The following ENPP5 variants were observed in gnomAD, a reference collection of about 807,000 sequenced individuals.
ENPP5 encodes E-NPP 5.
A neutral mutation model predicts 33.7 loss-of-function variants in ENPP5; 27 were observed. The ratio of observed to expected loss-of-function variants is 0.80; its 90% CI spans 0.59 to 1.11. The LOEUF is 1.11. Among genes scored for constraint, ENPP5 ranks in the 50% least tolerant of loss-of-function variants. The pLI, the probability that ENPP5 is intolerant of heterozygous loss-of-function variation, is 0.00. For missense variants in ENPP5, 552 were observed against 579.2 expected (o/e 0.95, Z 0.48); for synonymous variants, 199 against 200.5 (o/e 0.99, Z 0.06).
intron 1 of ENPP5, among the ~76,000 whole-genome samples, chr6:46,170,386 CAG>C (rs981434666): frequency 3.4e-5 from 5 of 147,756 alleles, no homozygotes; most frequent in Non-Finnish European, 7.5e-5. Context: ...TGAAAACAAT[CAG>C]AATTTTTTTT....
rs754523882 is a variant in ENPP5, at chr6:46,161,737, G to A, written c.1023C>T (p.Tyr341=). Reference sequence around the variant, plus strand: ...GATGCATATCTGCTAACGCATTATCGTAACCGTGGTTGCCTACTGTAAAGA... The same window carrying A: ...GATGCATATCTGCTAACGCATTATCATAACCGTGGTTGCCTACTGTAAAGA... ...SDDFLLGNHG[Y]DNALADMHPI... Residue 341 remains tyrosine (Y), a synonymous_variant, in exon 5 of 5, where the codon TAC becomes TAT. Coordinates refer to ENST00000371383, the MANE Select transcript of ENPP5 (RefSeq NM_001290072.2). 9.3e-6 allele frequency: 15 copies of A among 1,609,180 alleles called. No individual in the cohort carries two copies. Among genetic ancestry groups the A allele is most frequent in the South Asian group, 2.2e-5 (2 of 91,054 alleles).
At chr6:46,161,865 A>G in intron 4 of ENPP5, 112 bp from the exon 5 acceptor site, 1 of 753,132 alleles carries the variant, frequency 1.3e-6, no homozygotes, top group South Asian at 1.7e-5. Flanking sequence ...TTTGACTGTA[A>G]ACATAAAACA....
At chr6:46,166,474 A>G (rs2127498481) in intron 3 of ENPP5, among the ~76,000 whole-genome samples, 1 of 143,138 alleles carries the variant, frequency 7.0e-6, no homozygotes, top group East Asian at 2.0e-4. Flanking sequence ...TTTTAGCAAC[A>G]GAGTCTTGCT....
chr6:46,167,878 T>C lies in ENPP5; in HGVS notation c.385A>G (p.Arg129Gly), dbSNP rs1390722966. ...GCTGCACCACTAGTATGTCCTGCCC[T>C]CTGGTTTGTGATCCATATTGGTGTC... ...EATPIWITNQ[R>G]AGHTSGAAMW... The change falls in exon 3 of 5, where the codon AGG becomes GGG. Residue 129 changes from arginine (R) to glycine (G), a missense_variant. By Grantham distance (125) the Arg-to-Gly change is moderately radical. Coordinates refer to ENST00000371383, the MANE Select transcript of ENPP5 (RefSeq NM_001290072.2). 1 of 1,614,116 alleles carries C rather than the reference T, an allele frequency of 6.2e-7. No individual in the cohort carries two copies. The highest frequency in any genetic ancestry group is 8.5e-7 in the Non-Finnish European group (1 of 1,180,050).
Position 46,159,798 on chromosome 6 carries a change from T to C in ENPP5, c.*1528A>G, listed in dbSNP as rs974520385. On this transcript the variant is annotated 3_prime_UTR_variant, in exon 5 of 5. Transcript: ENST00000371383. ...ACAATTTTACCTACTCATTAGCCAATTGGTACATATATATACATGAAATCA... is the reference window on the plus strand; with the variant it reads ...ACAATTTTACCTACTCATTAGCCAACTGGTACATATATATACATGAAATCA... 6.6e-6 allele frequency: 1 copy of C among 152,218 alleles called. No individual in the cohort carries two copies. Among genetic ancestry groups the C allele is most frequent in the Non-Finnish European group, 1.5e-5 (1 of 68,036 alleles). The allele number at this position is 152,218 out of a possible 1,614,324, so 9.4% of individuals were successfully genotyped here.
rs1365658764 is a variant in ENPP5, at chr6:46,161,162, C to CGT, written c.*162_*163dup. On this transcript the variant is annotated 3_prime_UTR_variant, in exon 5 of 5. Coordinates refer to ENST00000371383, the MANE Select transcript of ENPP5 (RefSeq NM_001290072.2). ...CTTTGCAGGTGTAAGTATTTTGGTC[C>CGT]GTGTGTGTGTATGTGTGTGTGTGTG... 2.0e-5 allele frequency: 12 copies of CGT among 587,422 alleles called. No individual in the cohort carries two copies. The highest frequency in any genetic ancestry group is 4.6e-4 in the Middle Eastern group (1 of 2,192). 36.4% of individuals were successfully genotyped at this position (587,422 alleles called of 1,614,324 possible). A position where few individuals can be genotyped will look rare whatever the true frequency, so the allele number is the denominator to read the frequency against.
rs754391017 is a variant in ENPP5 at position 46,161,601 on chromosome 6, G to C, written c.1159C>G (p.Pro387Ala). ...LCHLLNITAMPHNGSFWNVQD... is the reference protein window; with the variant it reads ...LCHLLNITAMAHNGSFWNVQD... The stretch of plus-strand genomic sequence containing the variant: ...ACATTCCAGAATGATCCATTGTGTG[G>C]CATGGCGGTGATATTGAGGAGGTGG... The change falls in exon 5 of 5, where the codon CCA becomes GCA. Residue 387 changes from proline to alanine, a missense_variant. Physicochemically the swap from Pro to Ala is conservative, Grantham distance 27. Coordinates refer to ENST00000371383, the MANE Select transcript of ENPP5 (RefSeq NM_001290072.2). 3.1e-6 allele frequency: 5 copies of C among 1,614,036 alleles called. No individual in the cohort carries two copies. In the Admixed American group the frequency reaches 8.3e-5, roughly 27 times the overall value.
intron 4 of ENPP5, among the ~76,000 whole-genome samples, chr6:46,164,526 A>C (rs1299135384): frequency 6.6e-6 from 1 of 152,190 alleles, no homozygotes; most frequent in Non-Finnish European, 1.5e-5. Context: ...TCAAAAATAG[A>C]GGTGACCAAT....
rs1017999968 is a variant in ENPP5, at chr6:46,168,232, T to G, written c.31A>C (p.Ile11Leu). ...GTTGAAAGACTCAGTGCAGCAAGTA[T>G]GAAGGACACCAAGAGAAATTTCGAA... is the stretch of plus-strand genomic sequence containing the variant. MTSKFLLVSF[I>L]LAALSLSTTF... The change falls in exon 3 of 5, where the codon ATA becomes CTA. Residue 11 changes from isoleucine (I) to leucine (L), a missense_variant. Coordinates refer to ENST00000371383, the MANE Select transcript of ENPP5 (RefSeq NM_001290072.2). 1.3e-6 allele frequency: 2 copies of G among 1,597,816 alleles called. No homozygotes were observed. The highest frequency in any genetic ancestry group is 1.7e-6 in the Non-Finnish European group (2 of 1,170,312).
intron 4 of ENPP5, among the ~76,000 whole-genome samples, chr6:46,162,313 A>G (rs1764417271): frequency 6.6e-6 from 1 of 152,248 alleles, no homozygotes; most frequent in African/African-American, 2.4e-5. Flanking sequence ...GGAGAGTAGG[A>G]AACTCCTGAT....
At chr6:46,168,583 A>T (rs1372605322) in intron 2 of ENPP5, among the ~76,000 whole-genome samples, 1 of 152,238 alleles carries the variant, frequency 6.6e-6, no homozygotes, top group East Asian at 1.9e-4. Context: ...AAAATATGAC[A>T]TCATTTACAT....
At chr6:46,169,805 A>ATATG (rs1246996625) in intron 2 of ENPP5, among the ~76,000 whole-genome samples, 1 of 152,226 alleles carries the variant, frequency 6.6e-6, no homozygotes, top group Admixed American at 6.5e-5. Flanking sequence ...AATACAAGGT[A>ATATG]TATGTACATT....
chr6:46,164,508 G>T (rs1227524669), intron 4 of ENPP5, among the ~76,000 whole-genome samples: 1 of 152,034 alleles, frequency 6.6e-6, no homozygotes, highest in Non-Finnish European at 1.5e-5. Context: ...TATTATTAAG[G>T]TTTTCTATCA....
intron 3 of ENPP5, among the ~76,000 whole-genome samples, chr6:46,166,060 T>A (rs1764535162): frequency 6.6e-6 from 1 of 152,156 alleles, no homozygotes; most frequent in South Asian, 2.1e-4. Context: ...AGGCACTGTC[T>A]TTCATCCTCC....
chr6:46,167,057 A>T (rs995427834), intron 3 of ENPP5, among the ~76,000 whole-genome samples: 2 of 152,204 alleles, frequency 1.3e-5, no homozygotes, highest in Non-Finnish European at 2.9e-5. Context: ...CCAAATTAGG[A>T]ACCTATAAAA....
chr6:46,162,253 C>A (rs1490869056), intron 4 of ENPP5, among the ~76,000 whole-genome samples: 1 of 152,052 alleles, frequency 6.6e-6, no homozygotes, highest in African/African-American at 2.4e-5. Context: ...AAAAATCAAA[C>A]CTGTACTTAC....
At position 46,161,094 on chromosome 6, in the gene ENPP5, A is replaced by G. The variant is rs1287327047; in HGVS notation, c.*232T>C. The stretch of plus-strand genomic sequence containing the variant: ...ATAAAGCAGGATCTTATCTATCCCT[A>G]TGCTACAGTGAACAATGGAGACATA... On this transcript the variant is annotated 3_prime_UTR_variant, in exon 5 of 5. Coordinates refer to ENST00000371383, the MANE Select transcript of ENPP5 (RefSeq NM_001290072.2). 5.5e-5 allele frequency: 28 copies of G among 507,006 alleles called. 1 individual carries two copies. In the South Asian group the frequency reaches 5.9e-4, roughly 11 times the overall value. 31.4% of individuals were successfully genotyped at this position (507,006 alleles called of 1,614,324 possible). A position where few individuals can be genotyped will look rare whatever the true frequency, so the allele number is the denominator to read the frequency against.
Position 46,168,198 on chromosome 6 carries a change from GA to G in ENPP5, c.64del (p.Ser22LeufsTer11). On this transcript the variant is annotated frameshift_variant, in exon 3 of 5. Transcript: ENST00000371383. LOFTEE classifies it high-confidence loss of function. ...LAALSLSTTFSLQPDQQKVLL... is the reference protein window; with the variant it reads ...LAALSLSTTFXLQPDQQKVLL... ...AACCTTTTGCTGGTCTGGTTGGAGA[GA>G]AAAGGTGGTTGAAAGACTCAGTGCA... The G allele has an allele frequency of 6.2e-7, 1 of 1,611,056 alleles. No homozygotes were observed. The highest frequency in any genetic ancestry group is 8.5e-7 in the Non-Finnish European group (1 of 1,177,946).
chr6:46,161,812 G>T, intron 4 of ENPP5, 59 bp from the exon 5 acceptor site: 2 of 1,252,762 alleles, frequency 1.6e-6, no homozygotes, highest in South Asian at 1.3e-5. Context: ...GGACATAATT[G>T]TTGTATGGTC....
Sources: gnomAD v4.1 joint callset for allele counts (sites outside exome capture counted in the v4.1 genomes callset) on GRCh38, gnomAD v4.1.1 for gene constraint, MANE v1.5 for transcripts, NCBI Gene and HGNC (gene_info 2026-07-23, HGNC 2026-07-21) for gene names.